Variants in COLEC12 observed in about 807,000 individuals in gnomAD.
COLEC12 encodes collectin-12.
A neutral mutation model predicts 71.1 loss-of-function variants in COLEC12; 33 were observed. The ratio of observed to expected loss-of-function variants is 0.46; its 90% confidence interval spans 0.35 to 0.62. The LOEUF is 0.62. COLEC12 is among the 20% of genes least tolerant of loss of function. The pLI is 0.00. For missense variants in COLEC12, 765 were observed against 916.1 expected, an observed-to-expected ratio of 0.84 and a Z score of 2.13; for synonymous variants, 350 against 353.0, an observed-to-expected ratio of 0.99 and a Z score of 0.10.
At position 375,044 on chromosome 18, in the gene COLEC12, T is replaced by C. The variant is rs138685963; in HGVS notation, c.59-17522A>G. On this transcript the variant is annotated intron_variant, in intron 2 of 9. Coordinates refer to ENST00000400256, the MANE Select transcript of COLEC12 (RefSeq NM_130386.3). ...AAGTGTCCTACTTAGTCTGGAAAAG[T>C]TGGCAACTGTTCTCATGGGAACCAG... 2.4e-4 allele frequency among the ~76,000 whole-genome samples: 36 copies of C among 152,314 alleles called. 1 individual carries two copies. The highest frequency in any genetic ancestry group is 8.7e-4 in the African/African-American group (36 of 41,572).
intron 8 of COLEC12, among the ~76,000 whole-genome samples, chr18:322,624 C>T (rs969833023): frequency 2.2e-4 from 33 of 152,214 alleles, no homozygotes; most frequent in Non-Finnish European, 4.0e-4. Flanking sequence ...TCAATCTTGT[C>T]TAAGAAGCAG....
At chr18:402,910 G>C (rs530175720) in intron 2 of COLEC12, among the ~76,000 whole-genome samples, 1 of 152,084 alleles carries the variant, frequency 6.6e-6, no homozygotes, top group African/African-American at 2.4e-5. Flanking sequence ...CTCCTTCAAG[G>C]GTTAAGTCAC....
At chr18:447,835 A>T (rs2621189) in intron 2 of COLEC12, among the ~76,000 whole-genome samples, 8 of 152,080 alleles carry the variant, frequency 5.3e-5, no homozygotes, top group African/African-American at 1.4e-4. Context: ...TGTCCCCTAC[A>T]GCAAGAATAT....
At chr18:363,503 G>C (rs1258029918) in intron 2 of COLEC12, among the ~76,000 whole-genome samples, 1 of 152,196 alleles carries the variant, frequency 6.6e-6, no homozygotes, top group Non-Finnish European at 1.5e-5. Flanking sequence ...TTTGATCTGA[G>C]ATTCGCAGTG....
chr18:390,159 G>A (rs1024698797), intron 2 of COLEC12, among the ~76,000 whole-genome samples: 1 of 152,174 alleles, frequency 6.6e-6, no homozygotes, highest in Non-Finnish European at 1.5e-5. Flanking sequence ...CCCAGCAGGG[G>A]GCTAGGTCCC....
At chr18:385,909 T>C (rs1915335027) in intron 2 of COLEC12, among the ~76,000 whole-genome samples, 1 of 152,130 alleles carries the variant, frequency 6.6e-6, no homozygotes, top group Admixed American at 6.5e-5. Context: ...TCAGAATGTA[T>C]CTAGGGGAGA....
intron 2 of COLEC12, among the ~76,000 whole-genome samples, chr18:364,134 T>C (rs1462274086): frequency 2.0e-5 from 3 of 152,234 alleles, no homozygotes; most frequent in African/African-American, 7.2e-5. Context: ...AATTTTTTCA[T>C]GTGTATAAAA....
intron 3 of COLEC12, among the ~76,000 whole-genome samples, chr18:353,427 G>A (rs1914565193): frequency 6.6e-6 from 1 of 152,128 alleles, no homozygotes; most frequent in Non-Finnish European, 1.5e-5. Flanking sequence ...CAGGCTGGAA[G>A]GTTTAACTCC....
At chr18:381,388 T>A (rs1915228548) in intron 2 of COLEC12, among the ~76,000 whole-genome samples, 1 of 152,214 alleles carries the variant, frequency 6.6e-6, no homozygotes, top group African/African-American at 2.4e-5. Context: ...ATATGCTAAT[T>A]ACCATGATTT....
At chr18:441,642 T>C (rs1199795562) in intron 2 of COLEC12, among the ~76,000 whole-genome samples, 1 of 152,162 alleles carries the variant, frequency 6.6e-6, no homozygotes, top group Non-Finnish European at 1.5e-5. Context: ...AATAAAAATT[T>C]ACATTAGGAC....
intron 2 of COLEC12, among the ~76,000 whole-genome samples, chr18:448,915 T>C (rs1916704840): frequency 6.6e-6 from 1 of 152,192 alleles, no homozygotes; most frequent in Admixed American, 6.5e-5. Flanking sequence ...TGAAGGAATA[T>C]TGTACATTTG....
chr18:331,800 T>C (rs1483985179), intron 7 of COLEC12, 23 bp from the exon 8 acceptor site: 1 of 1,433,592 alleles, frequency 7.0e-7, no homozygotes. Flanking sequence ...GCAGGGGTGG[T>C]GCGTGACTAT....
At chr18:331,060 T>C (rs1433849195) in intron 8 of COLEC12, among the ~76,000 whole-genome samples, 1 of 152,024 alleles carries the variant, frequency 6.6e-6, no homozygotes, top group Non-Finnish European at 1.5e-5. Flanking sequence ...TTGTTTTTTT[T>C]GTTTTTTTAG....
In COLEC12 at chr18:327,956, C is replaced by A. The variant is rs948513762; in HGVS notation, c.2063+3712G>T. On this transcript the variant is annotated intron_variant, in intron 8 of 9. Transcript: ENST00000400256. This position sits in a 1 kb window ranked among gnomAD's most constrained non-coding sequence, Gnocchi z 4.0. ...TCTGGGAGGTTTCTGATTGCTACTT[C>A]AATCTCCTTCTTTGTTATTAGGCTG... Among the ~76,000 whole-genome samples the A allele has an allele frequency of 6.6e-6, 1 of 152,004 alleles. No homozygotes were observed. Among genetic ancestry groups the A allele is most frequent in the African/African-American group, 2.4e-5 (1 of 41,388 alleles).
intron 2 of COLEC12, among the ~76,000 whole-genome samples, chr18:387,329 A>G (rs1278931534): frequency 6.6e-6 from 1 of 152,228 alleles, no homozygotes; most frequent in African/African-American, 2.4e-5. Context: ...AGTGAGCAGA[A>G]GCGCTTTAGA....
chr18:389,664 C>T (rs557699758), intron 2 of COLEC12, among the ~76,000 whole-genome samples: 1 of 152,212 alleles, frequency 6.6e-6, no homozygotes, highest in Admixed American at 6.5e-5. Flanking sequence ...CAACAAGCCC[C>T]TTTTGGACTT....
chr18:420,483 A>G lies in COLEC12; in HGVS notation c.58+60224T>C, dbSNP rs985473091. On this transcript the variant is annotated intron_variant, in intron 2 of 9. Coordinates refer to ENST00000400256, the MANE Select transcript of COLEC12 (RefSeq NM_130386.3). ...TATATGTAGATTAAATGCCTTCTGT[A>G]TAAATACAGCAGAAACATAAAGAGT... 7.9e-5 allele frequency among the ~76,000 whole-genome samples: 12 copies of G among 152,194 alleles called. No homozygotes were observed. The East Asian group carries it at 2.1e-3, about 27-fold the overall frequency.
intron 2 of COLEC12, among the ~76,000 whole-genome samples, chr18:473,285 C>A (rs1041631483): frequency 6.6e-6 from 1 of 152,198 alleles, no homozygotes; most frequent in Non-Finnish European, 1.5e-5. Flanking sequence ...TGCAGAGGAT[C>A]GTAGTTTTTT....
At chr18:467,217 G>C (rs554993401) in intron 2 of COLEC12, among the ~76,000 whole-genome samples, 4 of 152,020 alleles carry the variant, frequency 2.6e-5, no homozygotes, top group Non-Finnish European at 5.9e-5. Context: ...CAGAGAATGA[G>C]AGAACTGACC....
Sources: gnomAD v4.1 joint callset for allele counts (sites outside exome capture counted in the v4.1 genomes callset) on GRCh38, gnomAD v4.1.1 for gene constraint, Gnocchi (gnomAD v3.1) non-coding constraint, MANE v1.5 for transcripts, NCBI Gene and HGNC (gene_info 2026-07-23, HGNC 2026-07-21) for gene names.